Variants in CACNA1D observed in about 807,000 individuals in gnomAD.
CACNA1D encodes the protein calcium voltage-gated channel subunit alpha1 D.
Under a neutral mutation model 257.1 loss-of-function variants are expected in CACNA1D, and 55 were observed. That is an observed-to-expected ratio of 0.21 (90% CI 0.17 to 0.27). The LOEUF (loss-of-function observed/expected upper bound fraction) is 0.27, where lower values mean the gene tolerates loss of function less well. CACNA1D is among the 10% of genes least tolerant of loss of function. The pLI, the probability that CACNA1D is intolerant of heterozygous loss-of-function variation, is 1.00. For missense variants in CACNA1D, 1,876 were observed against 2,784.0 expected (o/e 0.67, Z 7.34); for synonymous variants, 980 against 1,014.9 (o/e 0.97, Z 0.65).
chr3:53,577,539 CT>C (rs1198071928), intron 3 of CACNA1D, among the ~76,000 whole-genome samples: 1 of 152,158 alleles, frequency 6.6e-6, no homozygotes, highest in Non-Finnish European at 1.5e-5. Flanking sequence ...ACAGTCTGTT[CT>C]TTCCTGTTGC....
chr3:53,575,673 C>A (rs1311419727), intron 3 of CACNA1D, among the ~76,000 whole-genome samples: 1 of 151,982 alleles, frequency 6.6e-6, no homozygotes, highest in Non-Finnish European at 1.5e-5. Flanking sequence ...TCCCTTCATG[C>A]GGTTGTTACT....
intron 7 of CACNA1D, among the ~76,000 whole-genome samples, chr3:53,667,033 T>C (rs1341727977): frequency 6.6e-6 from 1 of 152,188 alleles, no homozygotes; most frequent in Non-Finnish European, 1.5e-5. Flanking sequence ...TTAAACCCAG[T>C]GTGAGTTTCT....
chr3:53,757,282 T>C (rs1315113154), intron 29 of CACNA1D, among the ~76,000 whole-genome samples: 1 of 152,196 alleles, frequency 6.6e-6, no homozygotes, highest in Non-Finnish European at 1.5e-5. Context: ...AAATAATACT[T>C]GAAACCAAGT....
intron 3 of CACNA1D, among the ~76,000 whole-genome samples, chr3:53,513,200 C>T (rs2107263663): frequency 6.6e-6 from 1 of 152,270 alleles, no homozygotes; most frequent in Non-Finnish European, 1.5e-5. Flanking sequence ...TATATAGGGT[C>T]CTGTGCTGAA....
rs777520927 is a variant in CACNA1D at position 53,731,166 on chromosome 3, T to C, written c.2406+20T>C. ...AACAAGGTATGTATTCTAAGATGCTTCTCCCCTTTTTGTTTCAAAATGATC... is the reference window on the plus strand; with the variant it reads ...AACAAGGTATGTATTCTAAGATGCTCCTCCCCTTTTTGTTTCAAAATGATC... On this transcript the variant is annotated intron_variant, in intron 17 of 47. Transcript: ENST00000350061. 2 of 1,533,786 alleles carry C rather than the reference T, an allele frequency of 1.3e-6. No homozygotes were observed. The highest frequency in any genetic ancestry group is 1.7e-5 in the Admixed American group (1 of 59,900).
chr3:53,675,565 G>A (rs2094367009), intron 8 of CACNA1D, among the ~76,000 whole-genome samples: 1 of 152,080 alleles, frequency 6.6e-6, no homozygotes, highest in African/African-American at 2.4e-5. Context: ...TGATGAAGTA[G>A]AGGCAGGAGC....
chr3:53,748,492 T>C (rs1370314203), intron 26 of CACNA1D, among the ~76,000 whole-genome samples: 2 of 152,208 alleles, frequency 1.3e-5, no homozygotes, highest in African/African-American at 2.4e-5. Flanking sequence ...GCACAGGCTA[T>C]AGTGTCAGGC....
chr3:53,702,520 A>T, intron 8 of CACNA1D, 121 bp from the exon 9 acceptor site: 2 of 899,822 alleles, frequency 2.2e-6, no homozygotes, highest in Non-Finnish European at 1.8e-6. Flanking sequence ...TGCTGTGCTC[A>T]TGTGACTATA....
chr3:53,584,215 A>G (rs2093177566), intron 3 of CACNA1D, among the ~76,000 whole-genome samples: 1 of 152,142 alleles, frequency 6.6e-6, no homozygotes, highest in Non-Finnish European at 1.5e-5. Context: ...GGATTGTCTA[A>G]TATGTGCTGA....
At chr3:53,688,079 G>A (rs139885501) in intron 8 of CACNA1D, among the ~76,000 whole-genome samples, 2 of 152,310 alleles carry the variant, frequency 1.3e-5, no homozygotes, top group African/African-American at 4.8e-5. Flanking sequence ...TCCATTTCTA[G>A]TATTTGCCCA....
Position 53,805,097 on chromosome 3 carries a change from T to C in CACNA1D, c.5700T>C (p.Tyr1900=), listed in dbSNP as rs780676195. 10 of 1,614,144 alleles carry C rather than the reference T, an allele frequency of 6.2e-6. No individual in the cohort carries two copies. Among genetic ancestry groups the C allele is most frequent in the Middle Eastern group, 1.6e-4 (1 of 6,062 alleles). The change falls in exon 45 of 48, where the codon TAT becomes TAC. Residue 1900 remains tyrosine (Y), a synonymous_variant. Coordinates refer to ENST00000350061, the MANE Select transcript of CACNA1D (RefSeq NM_001128840.3). ...FLEDDDSPVC[Y]DSRRSPRRRL... ...AGGACGATGACTCGCCCGTTTGCTATGATTCACGGAGATCTCCAAGGAGAC... is the reference window on the plus strand; with the variant it reads ...AGGACGATGACTCGCCCGTTTGCTACGATTCACGGAGATCTCCAAGGAGAC...
intron 14 of CACNA1D, among the ~76,000 whole-genome samples, chr3:53,724,870 T>A (rs940527703): frequency 6.6e-6 from 1 of 152,136 alleles, no homozygotes; most frequent in Non-Finnish European, 1.5e-5. Flanking sequence ...TGGACAATTC[T>A]CTCCCACTTG....
At chr3:53,730,186 T>C (rs2094975849) in intron 15 of CACNA1D, among the ~76,000 whole-genome samples, 1 of 152,260 alleles carries the variant, frequency 6.6e-6, no homozygotes, top group Non-Finnish European at 1.5e-5. Flanking sequence ...TAGTGGGTTT[T>C]CATGGGTTTT....
At position 53,808,709 on chromosome 3, in the gene CACNA1D, T is replaced by A. The variant is rs1270529943; in HGVS notation, c.5810T>A (p.Val1937Asp). ...CGCCGGCAGAGCAGCCAGGAAGAGG[T>A]CCCGTCGTCTCCCATCTTCCCCCAT... The part of the protein sequence containing the change: ...CLRRQSSQEE[V>D]PSSPIFPHRT... Residue 1937 changes from valine to aspartate, a missense_variant, in exon 46 of 48, where the codon GTC becomes GAC. Physicochemically the swap from Val to Asp is radical, Grantham distance 152 (BLOSUM62 -3). This residue lies in a region of CACNA1D where 491 missense variants were observed against 554.3 expected (regional missense o/e 0.89). Transcript: ENST00000350061. 1 of 1,608,936 alleles carries A rather than the reference T, an allele frequency of 6.2e-7. No individual in the cohort carries two copies.
chr3:53,536,351 T>G (rs2092113966), intron 3 of CACNA1D, among the ~76,000 whole-genome samples: 1 of 151,564 alleles, frequency 6.6e-6, no homozygotes, highest in African/African-American at 2.5e-5. Flanking sequence ...TCTTGACCAT[T>G]TACTTTTTTT....
intron 5 of CACNA1D, among the ~76,000 whole-genome samples, chr3:53,663,864 C>T (rs1265207557): frequency 6.6e-6 from 1 of 152,064 alleles, no homozygotes; most frequent in African/African-American, 2.4e-5. Context: ...CTCCCAGGTT[C>T]AAGTGATTCC....
At chr3:53,758,398 G>T (rs775749145) in intron 29 of CACNA1D, among the ~76,000 whole-genome samples, 6 of 152,160 alleles carry the variant, frequency 3.9e-5, no homozygotes, top group Non-Finnish European at 7.3e-5. Context: ...GCAGCAAAAG[G>T]AATCTGAACT....
chr3:53,720,883 C>T (rs1232055724), intron 11 of CACNA1D, among the ~76,000 whole-genome samples: 1 of 152,200 alleles, frequency 6.6e-6, no homozygotes, highest in African/African-American at 2.4e-5. Context: ...TTATATTTGG[C>T]CCAGCCATCC....
At position 53,723,110 on chromosome 3, in the gene CACNA1D, G is replaced by C. The variant is rs1331767303; in HGVS notation, c.1667-324G>C. On this transcript the variant is annotated intron_variant, in intron 12 of 47. Coordinates refer to ENST00000350061, the MANE Select transcript of CACNA1D (RefSeq NM_001128840.3). This position sits in a 1 kb window ranked among gnomAD's most constrained non-coding sequence, Gnocchi z 5.6. The stretch of plus-strand genomic sequence containing the variant: ...AACCTGATGGTGTCAACGCAGAATC[G>C]TAGGCTTTTAGGGCTGGAAGGAGTC... Among the ~76,000 whole-genome samples, 3 of 152,172 alleles carry C rather than the reference G, an allele frequency of 2.0e-5. No individual in the cohort carries two copies. Among genetic ancestry groups the C allele is most frequent in the Non-Finnish European group, 4.4e-5 (3 of 68,032 alleles).
Sources: gnomAD v4.1 joint callset for allele counts (sites outside exome capture counted in the v4.1 genomes callset) on GRCh38, gnomAD v4.1.1 for gene constraint, gnomAD v4.1.1 regional missense constraint, Gnocchi (gnomAD v3.1) non-coding constraint, MANE v1.5 for transcripts, NCBI Gene and HGNC (gene_info 2026-07-23, HGNC 2026-07-21) for gene names.